PCDH11X: variants seen among roughly 807,000 people sequenced by gnomAD.
PCDH11X encodes protocadherin-11 X-linked.
Under a neutral mutation model 53.3 loss-of-function variants are expected in PCDH11X, and 18 were observed. That is an observed-to-expected ratio of 0.34 (90% CI 0.23 to 0.50). The LOEUF is 0.50. Ranked by LOEUF, PCDH11X falls within the 20% of genes least tolerant of loss-of-function variation. The probability of loss-of-function intolerance (pLI) is 0.98; values close to 1 mark genes in which losing one functional copy is unlikely to be tolerated. For missense variants in PCDH11X, 570 were observed against 1,032.4 expected (o/e 0.55, Z 6.14); for synonymous variants, 279 against 393.3 (o/e 0.71, Z 3.44).
At chrX:92,412,793 CTG>C (rs759091083) in intron 9 of PCDH11X, among the ~76,000 whole-genome samples, 6 of 106,750 alleles carry the variant, frequency 5.6e-5, no homozygotes, top group African/African-American at 6.8e-5. Flanking sequence ...CTCTCTGTCT[CTG>C]TGTGTGTGTG....
intron 10 of PCDH11X, among the ~76,000 whole-genome samples, chrX:92,502,684 A>C (rs1473106328): frequency 1.8e-5 from 2 of 110,165 alleles, no homozygotes; most frequent in Non-Finnish European, 3.8e-5. Context: ...TTATAACTGG[A>C]CTCCTTCCTT....
Position 92,309,983 on chromosome X carries a change from G to T in PCDH11X, c.3144+46840G>T, listed in dbSNP as rs1425602351. On this transcript the variant is annotated intron_variant, in intron 8 of 10. Transcript: ENST00000682573. The stretch of plus-strand genomic sequence containing the variant: ...TATTAATTTTTTAAGGAAAAGAAAA[G>T]TTTGGTTCAATTTCCAGATACTCTA... Among the ~76,000 whole-genome samples the T allele has an allele frequency of 4.5e-5, 5 of 112,235 alleles. No homozygotes were observed. The South Asian group carries it at 1.8e-3, about 41-fold the overall frequency.
At chrX:92,183,864 C>T (rs966158780) in intron 6 of PCDH11X, among the ~76,000 whole-genome samples, 4 of 111,726 alleles carry the variant, frequency 3.6e-5, no homozygotes, top group Admixed American at 1.9e-4. Flanking sequence ...GTCAGCTCCT[C>T]GATGAGTCCT....
intron 10 of PCDH11X, among the ~76,000 whole-genome samples, chrX:92,518,691 G>C: frequency 9.3e-6 from 1 of 108,105 alleles, no homozygotes; most frequent in Non-Finnish European, 1.9e-5. Flanking sequence ...CAAAAGAAAA[G>C]TTCCCTAGAT....
chrX:91,939,096 G>A (rs1226086827), intron 6 of PCDH11X, among the ~76,000 whole-genome samples: 1 of 110,723 alleles, frequency 9.0e-6, no homozygotes, highest in Non-Finnish European at 1.9e-5. Flanking sequence ...ATCTTAAAAT[G>A]TTATTGTAAT....
intron 4 of PCDH11X, chrX:91,835,244 T>C: frequency 1.1e-6 from 1 of 898,091 alleles, no homozygotes; most frequent in Non-Finnish European, 1.5e-6. Context: ...TCATTTTTGA[T>C]ACTGTAGGTA....
intron 10 of PCDH11X, among the ~76,000 whole-genome samples, chrX:92,470,553 T>C (rs1304060624): frequency 1.8e-5 from 2 of 110,547 alleles, no homozygotes; most frequent in East Asian, 5.7e-4. Flanking sequence ...CTTTTCGTTT[T>C]TTCCCCATTC....
chrX:92,140,071 CATAA>C (rs57335272), intron 6 of PCDH11X, among the ~76,000 whole-genome samples: 23,417 of 107,227 alleles, frequency 0.22, 2,887 homozygotes, highest in East Asian at 0.87. Context: ...AAACTATAGA[CATAA>C]ATAAACAATA....
At chrX:92,322,796 G>A (rs2069245088) in intron 8 of PCDH11X, among the ~76,000 whole-genome samples, 1 of 111,379 alleles carries the variant, frequency 9.0e-6, no homozygotes, top group East Asian at 2.8e-4. Flanking sequence ...AAAATAGCTT[G>A]AAAGCAAAGA....
chrX:92,027,313 A>G (rs779541067), intron 6 of PCDH11X, among the ~76,000 whole-genome samples: 6 of 111,784 alleles, frequency 5.4e-5, no homozygotes, highest in African/African-American at 1.9e-4. Flanking sequence ...CCTGTAAAAG[A>G]AAACTCCTAG....
At chrX:92,557,969 G>A (rs1345395802) in intron 10 of PCDH11X, among the ~76,000 whole-genome samples, 1 of 109,913 alleles carries the variant, frequency 9.1e-6, no homozygotes, top group Non-Finnish European at 1.9e-5. Context: ...TGGATGGAGT[G>A]AGTGCTGAGC....
chrX:92,564,294 A>G (rs965761536), intron 10 of PCDH11X, among the ~76,000 whole-genome samples: 11 of 105,873 alleles, frequency 1.0e-4, no homozygotes, highest in Non-Finnish European at 1.4e-4. Flanking sequence ...GGTTTATCAA[A>G]AGACCTAAAT....
chrX:92,572,189 A>G (rs1429514928), intron 10 of PCDH11X, among the ~76,000 whole-genome samples: 1 of 112,278 alleles, frequency 8.9e-6, no homozygotes, highest in Non-Finnish European at 1.9e-5. Context: ...TCATGTCACT[A>G]TGAAACTTCT....
chrX:92,375,229 G>A (rs1266447923), intron 8 of PCDH11X, among the ~76,000 whole-genome samples: 16 of 75,499 alleles, frequency 2.1e-4, no homozygotes, highest in Non-Finnish European at 2.3e-5. Flanking sequence ...AGGCTGGATT[G>A]CAGTGGCACA....
chrX:92,388,261 T>C (rs767078575), intron 9 of PCDH11X, among the ~76,000 whole-genome samples: 1 of 111,693 alleles, frequency 9.0e-6, no homozygotes, highest in African/African-American at 3.2e-5. Context: ...TGTGAAGGTA[T>C]AAATTTTTTC....
intron 7 of PCDH11X, among the ~76,000 whole-genome samples, chrX:92,215,200 G>A (rs768113019): frequency 1.3e-3 from 141 of 110,603 alleles, no homozygotes; most frequent in African/African-American, 4.0e-3. Flanking sequence ...GACAGTGGGC[G>A]CAGGACAGTG....
chrX:92,406,259 C>G (rs921173317), intron 9 of PCDH11X, among the ~76,000 whole-genome samples: 5 of 109,682 alleles, frequency 4.6e-5, no homozygotes, highest in African/African-American at 1.7e-4. Flanking sequence ...TAAAGTATGT[C>G]TTGCAGAATT....
chrX:92,320,612 G>A (rs770841256), intron 8 of PCDH11X, among the ~76,000 whole-genome samples: 26 of 110,951 alleles, frequency 2.3e-4, no homozygotes, highest in African/African-American at 7.5e-4. Context: ...TGAAGATACT[G>A]GAATGAAAGG....
chrX:91,786,645 A>G (rs1194863560), intron 1 of PCDH11X, among the ~76,000 whole-genome samples: 1 of 90,501 alleles, frequency 1.1e-5, no homozygotes, highest in South Asian at 6.2e-4. Flanking sequence ...TTAAAAAGTT[A>G]TATTAGGATC....
Sources: allele counts gnomAD v4.1 joint callset (sites outside exome capture counted in the v4.1 genomes callset), GRCh38; gene constraint gnomAD v4.1.1; transcripts MANE v1.5; gene names NCBI Gene and HGNC (gene_info 2026-07-23, HGNC 2026-07-21).